ASB13: variants seen among roughly 807,000 people sequenced by gnomAD.
ASB13 encodes the protein ankyrin repeat and SOCS box containing 13.
Under a neutral mutation model 28.8 loss-of-function variants are expected in ASB13, and 33 were observed. That is an observed-to-expected ratio of 1.15 (90% CI 0.87 to 1.53). The LOEUF (loss-of-function observed/expected upper bound fraction) is 1.53. Among genes scored for constraint, ASB13 ranks in the 40% most tolerant of loss-of-function variants. ASB13 has a pLI of 0.00. For missense variants in ASB13, 414 were observed against 390.1 expected, an observed-to-expected ratio of 1.06 and a Z score of -0.52; for synonymous variants, 182 against 172.9, an observed-to-expected ratio of 1.05 and a Z score of -0.41.
chr10:5,666,586 G>T lies in ASB13; in HGVS notation c.-35C>A. Reference sequence around the variant, plus strand: ...CGGCGGCCGCGCGGCGACTCTGGGCGCCGGGACCTGGGCCGGGCCGCGCGG... The same window carrying T: ...CGGCGGCCGCGCGGCGACTCTGGGCTCCGGGACCTGGGCCGGGCCGCGCGG... On this transcript the variant is annotated 5_prime_UTR_variant, in exon 1 of 6. Coordinates refer to ENST00000357700, the MANE Select transcript of ASB13 (RefSeq NM_024701.4). 9.0e-7 allele frequency: 1 copy of T among 1,115,068 alleles called. No homozygotes were observed. The highest frequency in any genetic ancestry group is 1.7e-5 in the African/African-American group (1 of 60,428). 69.1% of individuals were successfully genotyped at this position (1,115,068 alleles called of 1,614,324 possible).
intron 1 of ASB13, among the ~76,000 whole-genome samples, chr10:5,657,902 C>A (rs1001056100): frequency 6.6e-6 from 1 of 152,212 alleles, no homozygotes; most frequent in Non-Finnish European, 1.5e-5. Flanking sequence ...AATCCCAGCA[C>A]TTTGGGAGGC....
At chr10:5,653,230 T>C (rs1835017999) in intron 1 of ASB13, among the ~76,000 whole-genome samples, 180 bp from the exon 2 acceptor site, 1 of 152,130 alleles carries the variant, frequency 6.6e-6, no homozygotes, top group Non-Finnish European at 1.5e-5. Context: ...GAGTCCAAGC[T>C]CCTGGGCAAG....
intron 4 of ASB13, among the ~76,000 whole-genome samples, chr10:5,647,531 T>C (rs1281660815): frequency 6.6e-6 from 1 of 152,154 alleles, no homozygotes. Flanking sequence ...TGCTCCATAT[T>C]CTCCTAAACG....
rs1834830552 is a variant in ASB13, at chr10:5,642,805, C to T, written c.518-844G>A. Among the ~76,000 whole-genome samples the T allele has an allele frequency of 1.3e-5, 2 of 151,966 alleles. No homozygotes were observed. The highest frequency in any genetic ancestry group is 2.9e-5 in the Non-Finnish European group (2 of 67,992). On this transcript the variant is annotated intron_variant, in intron 4 of 5. Transcript: ENST00000357700. This position sits in a 1 kb window ranked among gnomAD's most constrained non-coding sequence, Gnocchi z 4.1. The stretch of plus-strand genomic sequence containing the variant: ...GGGATGACAGGTGTGCCACCATGCC[C>T]GGCTAATTTTTCTATTTTTTGTAGA...
chr10:5,660,121 G>A lies in ASB13; in HGVS notation c.43+6388C>T, dbSNP rs990889074. Among the ~76,000 whole-genome samples the A allele has an allele frequency of 2.6e-5, 4 of 152,140 alleles. No homozygotes were observed. Among genetic ancestry groups the A allele is most frequent in the African/African-American group, 7.2e-5 (3 of 41,420 alleles). On this transcript the variant is annotated intron_variant, in intron 1 of 5. Transcript: ENST00000357700. The surrounding 1 kb of genome is among the most constrained non-coding windows in gnomAD (Gnocchi z 6.1). ...CTATGGCTCCTCCTGTTTACCTGCC[G>A]CCTGCAGGCCTGAGCTCATGAATAG... is the stretch of plus-strand genomic sequence containing the variant.
Position 5,660,189 on chromosome 10 carries a change from G to A in ASB13, c.43+6320C>T, listed in dbSNP as rs770740102. Reference sequence around the variant, plus strand: ...CCCTGAAAACTAGAGTTTCACAGATGTCACCTATGTATCTACTGCAGACTA... The same window carrying A: ...CCCTGAAAACTAGAGTTTCACAGATATCACCTATGTATCTACTGCAGACTA... On this transcript the variant is annotated intron_variant, in intron 1 of 5. Transcript: ENST00000357700. This position sits in a 1 kb window ranked among gnomAD's most constrained non-coding sequence, Gnocchi z 6.1. 1.3e-5 allele frequency among the ~76,000 whole-genome samples: 2 copies of A among 152,198 alleles called. No individual in the cohort carries two copies. The highest frequency in any genetic ancestry group is 2.4e-5 in the African/African-American group (1 of 41,456).
rs1834814293 is a variant in ASB13, at chr10:5,641,929, T to C, written c.550A>G (p.Thr184Ala). ...ACCTTGGCCGCGTGGTGAAGGGCAG[T>C]CTCATGAAGCTTTGCCGCATTCACG... Reference protein sequence around the residue: ...ANVNAAKLHETALHHAAKVKN... With the variant: ...ANVNAAKLHEAALHHAAKVKN... Residue 184 changes from threonine (T) to alanine (A), a missense_variant, in exon 5 of 6, where the codon ACT becomes GCT. By Grantham distance (58) the Thr-to-Ala change is moderately conservative (BLOSUM62 0). Coordinates refer to ENST00000357700, the MANE Select transcript of ASB13 (RefSeq NM_024701.4). The surrounding 1 kb of genome is among the most constrained non-coding windows in gnomAD (Gnocchi z 8.4). 6.2e-7 allele frequency: 1 copy of C among 1,611,550 alleles called. No homozygotes were observed. Among genetic ancestry groups the C allele is most frequent in the Non-Finnish European group, 8.5e-7 (1 of 1,177,810 alleles).
rs939738770 is a variant in ASB13, at chr10:5,644,491, T to C, written c.518-2530A>G. On this transcript the variant is annotated intron_variant, in intron 4 of 5. Coordinates refer to ENST00000357700, the MANE Select transcript of ASB13 (RefSeq NM_024701.4). The surrounding 1 kb of genome is among the most constrained non-coding windows in gnomAD (Gnocchi z 5.1). ...AGCCTGGATGACAGAGTGAGGCCCATAGTGAGAAAGAGAACATAAACAGGT... is the reference window on the plus strand; with the variant it reads ...AGCCTGGATGACAGAGTGAGGCCCACAGTGAGAAAGAGAACATAAACAGGT... Among the ~76,000 whole-genome samples, 10 of 141,796 alleles carry C rather than the reference T, an allele frequency of 7.1e-5. No individual in the cohort carries two copies. Among genetic ancestry groups the C allele is most frequent in the African/African-American group, 2.7e-4 (10 of 37,606 alleles). The allele number at this position is 141,796 out of a possible 152,430, so 93.0% of individuals were successfully genotyped here.
rs1226463700 is a variant in ASB13, at chr10:5,648,808, C to T, written c.517+162G>A. On this transcript the variant is annotated intron_variant, in intron 4 of 5. Coordinates refer to ENST00000357700, the MANE Select transcript of ASB13 (RefSeq NM_024701.4). ...CACCCACGCGGGCAAACACCCACTC[C>T]GGTAAACACCCACGCGGGCAAACAT... Among the ~76,000 whole-genome samples, 7 of 119,368 alleles carry T rather than the reference C, an allele frequency of 5.9e-5. No individual in the cohort carries two copies. In the East Asian group the frequency reaches 1.9e-3, roughly 33 times the overall value. The allele number at this position is 119,368 out of a possible 152,430, so 78.3% of individuals were successfully genotyped here.
At position 5,649,071 on chromosome 10, in the gene ASB13, A is replaced by C. The variant is rs138695721; in HGVS notation, c.416T>G (p.Val139Gly). The C allele has an allele frequency of 4.2e-3, 6,849 of 1,614,228 alleles. 254 individuals carry two copies. Among genetic ancestry groups the C allele is most frequent in the East Asian group, 7.1e-3 (319 of 44,884 alleles). The change falls in exon 4 of 6, where the codon GTC (valine) becomes GGC (glycine). Residue 139 changes from valine to glycine, a missense_variant. By Grantham distance (109) the Val-to-Gly change is moderately radical. Transcript: ENST00000357700. This position sits in a 1 kb window ranked among gnomAD's most constrained non-coding sequence, Gnocchi z 6.4. The stretch of plus-strand genomic sequence containing the variant: ...ATCGTGCGCTTCCAGATTGGCCCCG[A>C]CGTCAATAAGAAGCCTCACACATTC... ...SSECVRLLID[V>G]GANLEAHDCH...
rs188926547 is a variant in ASB13 at position 5,661,699 on chromosome 10, A to C, written c.43+4810T>G. 9.2e-4 allele frequency among the ~76,000 whole-genome samples: 140 copies of C among 152,084 alleles called. No homozygotes were observed. Among genetic ancestry groups the C allele is most frequent in the Non-Finnish European group, 1.7e-3 (118 of 67,980 alleles). ...TTTTCTGTAGAGACAGGGTTTCACC[A>C]TGTTGCCCAGGCTGGTCTCAAACTC... On this transcript the variant is annotated intron_variant, in intron 1 of 5. Transcript: ENST00000357700. This position sits in a 1 kb window ranked among gnomAD's most constrained non-coding sequence, Gnocchi z 4.9.
intron 1 of ASB13, among the ~76,000 whole-genome samples, chr10:5,662,535 G>GGAGT (rs200508956): frequency 0.1 from 5,788 of 57,562 alleles, 711 homozygotes; most frequent in East Asian, 0.16. Context: ...GTCGAGAAGG[G>GGAGT]GGGGGGAGGG....
chr10:5,642,596 A>C lies in ASB13; in HGVS notation c.518-635T>G. ...TAAAAAAAAATTTTTTTTTAAAAAA[A>C]AGAGCAGACATTCAGAAAGATGCAA... On this transcript the variant is annotated intron_variant, in intron 4 of 5. Coordinates refer to ENST00000357700, the MANE Select transcript of ASB13 (RefSeq NM_024701.4). This position sits in a 1 kb window ranked among gnomAD's most constrained non-coding sequence, Gnocchi z 4.1. 9.8e-7 allele frequency: 1 copy of C among 1,018,840 alleles called. No individual in the cohort carries two copies. Among genetic ancestry groups the C allele is most frequent in the Non-Finnish European group, 1.3e-6 (1 of 771,650 alleles). The allele number at this position is 1,018,840 out of a possible 1,614,324, so 63.1% of individuals were successfully genotyped here.
rs113534310 is a variant in ASB13, at chr10:5,664,737, A to G, written c.43+1772T>C. 6.6e-6 allele frequency among the ~76,000 whole-genome samples: 1 copy of G among 152,076 alleles called. No individual in the cohort carries two copies. The highest frequency in any genetic ancestry group is 1.5e-5 in the Non-Finnish European group (1 of 68,008). ...ACTCTGTCGCCCAGGCTGGAGTGCA[A>G]TGGCATGATCTCAGCTCACTACAAC... On this transcript the variant is annotated intron_variant, in intron 1 of 5. Transcript: ENST00000357700. The surrounding 1 kb of genome is among the most constrained non-coding windows in gnomAD (Gnocchi z 4.2).
intron 1 of ASB13, among the ~76,000 whole-genome samples, chr10:5,665,873 G>C (rs1191224597): frequency 1.3e-5 from 2 of 152,022 alleles, no homozygotes; most frequent in Admixed American, 1.3e-4. Flanking sequence ...TTCATAGGCA[G>C]CAAAAAAATT....
At position 5,658,074 on chromosome 10, in the gene ASB13, C is replaced by T. The variant is rs1835099954; in HGVS notation, c.44-5024G>A. Among the ~76,000 whole-genome samples, 1 of 152,190 alleles carries T rather than the reference C, an allele frequency of 6.6e-6. No individual in the cohort carries two copies. The highest frequency in any genetic ancestry group is 2.4e-5 in the African/African-American group (1 of 41,434). ...CTCAGAGGCTGAGGCACGAGAATCG[C>T]ATGAACCCAGGAGACAGAGGTTGCA... On this transcript the variant is annotated intron_variant, in intron 1 of 5. Coordinates refer to ENST00000357700, the MANE Select transcript of ASB13 (RefSeq NM_024701.4). This position sits in a 1 kb window ranked among gnomAD's most constrained non-coding sequence, Gnocchi z 4.2.
In ASB13 at chr10:5,652,001, CAAAAAAAAAAA is replaced by C. The variant is rs569915376; in HGVS notation, c.232-649_232-639del. Among the ~76,000 whole-genome samples, 1 of 50,794 alleles carries C rather than the reference CAAAAAAAAAAA, an allele frequency of 2.0e-5. No individual in the cohort carries two copies. Among genetic ancestry groups the C allele is most frequent in the East Asian group, 9.3e-4 (1 of 1,080 alleles). The allele number at this position is 50,794 out of a possible 152,430, so 33.3% of individuals were successfully genotyped here. A position where few individuals can be genotyped will look rare whatever the true frequency, so the allele number is the denominator to read the frequency against. On this transcript the variant is annotated intron_variant, in intron 2 of 5. Transcript: ENST00000357700. This position sits in a 1 kb window ranked among gnomAD's most constrained non-coding sequence, Gnocchi z 5.0. ...TAGGCGACAGAGAAAGACCTTATCT[CAAAAAAAAAAA>C]AAAAAAAAAAAAACCACACACACAC...
Position 5,658,237 on chromosome 10 carries a change from G to C in ASB13, c.44-5187C>G, listed in dbSNP as rs1835101475. 6.6e-6 allele frequency among the ~76,000 whole-genome samples: 1 copy of C among 152,092 alleles called. No homozygotes were observed. Among genetic ancestry groups the C allele is most frequent in the Non-Finnish European group, 1.5e-5 (1 of 68,012 alleles). Reference sequence around the variant, plus strand: ...TAATCCCAGCACTTTGGGAGGCCGAGGCAGGCAATATGGTGAAACCCCATC... The same window carrying C: ...TAATCCCAGCACTTTGGGAGGCCGACGCAGGCAATATGGTGAAACCCCATC... On this transcript the variant is annotated intron_variant, in intron 1 of 5. Transcript: ENST00000357700. This position sits in a 1 kb window ranked among gnomAD's most constrained non-coding sequence, Gnocchi z 4.2.
chr10:5,665,889 C>T (rs981307372), intron 1 of ASB13, among the ~76,000 whole-genome samples: 2 of 152,166 alleles, frequency 1.3e-5, no homozygotes, highest in African/African-American at 4.8e-5. Context: ...AAATTTGCTT[C>T]CCCAAAGAGT....
Sources: allele counts gnomAD v4.1 joint callset (sites outside exome capture counted in the v4.1 genomes callset), GRCh38; gene constraint gnomAD v4.1.1; non-coding constraint Gnocchi (gnomAD v3.1); transcripts MANE v1.5; gene names NCBI Gene and HGNC (gene_info 2026-07-23, HGNC 2026-07-21).